AOPEP: variants seen among roughly 807,000 people sequenced by gnomAD.
The protein encoded by AOPEP is aminopeptidase O (putative).
Under a neutral mutation model 98.1 loss-of-function variants are expected in AOPEP, and 77 were observed. The observed-to-expected ratio is 0.78, with a 90% CI of 0.65 to 0.95. The LOEUF is 0.95. AOPEP is among the 40% of genes least tolerant of loss of function. AOPEP has a pLI of 0.00. For synonymous variants in AOPEP, 346 were observed against 365.3 expected, an observed-to-expected ratio of 0.95 and a Z score of 0.60; for missense variants, 1,024 against 1,024.7, an observed-to-expected ratio of 1.00 and a Z score of 0.01.
At chr9:95,114,588 C>T in the AOPEP span, 5 of 1,551,872 alleles carry the variant, frequency 3.2e-6, no homozygotes, top group African/African-American at 2.7e-5. Flanking sequence ...CTAGGGAAAC[C>T]ATGTGTGAAG....
At chr9:95,100,462 C>T in the AOPEP span, 1 of 231,608 alleles carries the variant, frequency 4.3e-6, no homozygotes, top group Non-Finnish European at 8.5e-6. Flanking sequence ...AAAACGGAGC[C>T]AAGACTCAGA....
chr9:94,897,480 A>G (rs1470935023), intron 5 of AOPEP, among the ~76,000 whole-genome samples: 1 of 152,208 alleles, frequency 6.6e-6, no homozygotes, highest in African/African-American at 2.4e-5. Context: ...AACATGAGTA[A>G]ATAAATGCAT....
chr9:94,983,858 CT>C (rs2060347352), intron 11 of AOPEP, among the ~76,000 whole-genome samples: 1 of 147,466 alleles, frequency 6.8e-6, no homozygotes, highest in Non-Finnish European at 1.5e-5. Flanking sequence ...CCCCTCCCCC[CT>C]CCCCCGGAAA....
chr9:94,845,453 G>A (rs1217150642), intron 5 of AOPEP, among the ~76,000 whole-genome samples: 2 of 152,206 alleles, frequency 1.3e-5, no homozygotes, highest in African/African-American at 2.4e-5. Context: ...TTTTAAGTAA[G>A]GAGTAACACG....
intron 1 of AOPEP, among the ~76,000 whole-genome samples, chr9:94,744,317 G>T (rs1184103701): frequency 1.3e-5 from 2 of 151,954 alleles, no homozygotes; most frequent in Non-Finnish European, 2.9e-5. Flanking sequence ...GCCTGAACCC[G>T]GGAGGCGGAG....
chr9:94,858,094 A>G (rs537310027), intron 5 of AOPEP, among the ~76,000 whole-genome samples: 10 of 152,124 alleles, frequency 6.6e-5, no homozygotes, highest in South Asian at 2.1e-4. Context: ...AAAAAAAAAA[A>G]AAACAAAAAC....
At position 94,871,220 on chromosome 9, in the gene AOPEP, C is replaced by T. The variant is rs78303633; in HGVS notation, c.1365-52766C>T. Among the ~76,000 whole-genome samples the T allele has an allele frequency of 7.2e-3, 1,101 of 152,306 alleles. 14 individuals are homozygous for T. Among genetic ancestry groups the T allele is most frequent in the African/African-American group, 0.026 (1,062 of 41,564 alleles). ...CCTTGATTCAACTTGCTATCTTTAG[C>T]TTTGCTCTCTTAACCACAGGCACAG... On this transcript the variant is annotated intron_variant, in intron 5 of 16. Transcript: ENST00000375315.
At chr9:95,118,171 A>T in the AOPEP span, among the ~76,000 whole-genome samples, 12 of 151,964 alleles carry the variant, frequency 7.9e-5, no homozygotes, top group South Asian at 2.1e-4. Context: ...GGCACATGCC[A>T]CCACACCTGG....
chr9:94,954,549 T>G (rs770516373), intron 7 of AOPEP, among the ~76,000 whole-genome samples: 9 of 152,222 alleles, frequency 5.9e-5, no homozygotes, highest in Non-Finnish European at 1.2e-4. Context: ...GGGCCACATG[T>G]GGCCCATGGA....
chr9:94,891,289 C>T (rs1035110998), intron 5 of AOPEP, among the ~76,000 whole-genome samples: 3 of 152,158 alleles, frequency 2.0e-5, no homozygotes, highest in African/African-American at 4.8e-5. Context: ...TTTTTCTATC[C>T]TGTCACTTTC....
intron 3 of AOPEP, among the ~76,000 whole-genome samples, chr9:94,773,461 C>T (rs181760379): frequency 2.0e-5 from 3 of 152,138 alleles, no homozygotes; most frequent in East Asian, 1.9e-4. Flanking sequence ...TGACTGAAGA[C>T]GTTCTGAACA....
intron 5 of AOPEP, among the ~76,000 whole-genome samples, chr9:94,918,660 A>G (rs1302529360): frequency 6.6e-6 from 1 of 152,156 alleles, no homozygotes; most frequent in Non-Finnish European, 1.5e-5. Context: ...CACGTGTAAA[A>G]TGAGATAATG....
chr9:94,830,033 A>G (rs947717049), intron 5 of AOPEP, among the ~76,000 whole-genome samples: 1 of 152,152 alleles, frequency 6.6e-6, no homozygotes, highest in Non-Finnish European at 1.5e-5. Context: ...TTATTTATTT[A>G]TGTATTTATT....
intron 7 of AOPEP, among the ~76,000 whole-genome samples, chr9:94,938,626 G>C (rs2056621853): frequency 6.6e-6 from 1 of 152,164 alleles, no homozygotes; most frequent in Non-Finnish European, 1.5e-5. Flanking sequence ...TTGCTGGAGA[G>C]GACAGCCACG....
chr9:94,889,336 A>C (rs1055758317), intron 5 of AOPEP, among the ~76,000 whole-genome samples: 2 of 151,918 alleles, frequency 1.3e-5, no homozygotes, highest in African/African-American at 2.4e-5. Context: ...TATGTATCAA[A>C]AGTTTGTTCC....
chr9:95,024,237 C>G (rs539656290), intron 13 of AOPEP, among the ~76,000 whole-genome samples: 4 of 152,144 alleles, frequency 2.6e-5, no homozygotes, highest in African/African-American at 4.8e-5. Flanking sequence ...AATGGAGAGT[C>G]AGGAATGAGA....
At chr9:95,047,802 T>C (rs544167205) in intron 13 of AOPEP, among the ~76,000 whole-genome samples, 1 of 152,376 alleles carries the variant, frequency 6.6e-6, no homozygotes, top group Non-Finnish European at 1.5e-5. Flanking sequence ...GCAAATGTTC[T>C]GGTTGTTTAG....
intron 5 of AOPEP, among the ~76,000 whole-genome samples, chr9:94,808,065 C>G (rs1428812867): frequency 6.9e-6 from 1 of 143,894 alleles, no homozygotes; most frequent in Non-Finnish European, 1.5e-5. Flanking sequence ...TTTTTTGAGA[C>G]GGAGTCTCAC....
chr9:94,802,519 G>GGT lies in AOPEP; in HGVS notation c.1364+1518_1364+1519dup, dbSNP rs557262264. On this transcript the variant is annotated intron_variant, in intron 5 of 16. Transcript: ENST00000375315. ...CTTTTCAAGTTTGCATGCCCAAGCAGGTAGGCTGTGTGTTTGCTGCTTTTT... is the reference window on the plus strand; with the variant it reads ...CTTTTCAAGTTTGCATGCCCAAGCAGGTGTAGGCTGTGTGTTTGCTGCTTTTT... 3.3e-5 allele frequency among the ~76,000 whole-genome samples: 5 copies of GGT among 152,192 alleles called. No homozygotes were observed. In the South Asian group the frequency reaches 1.0e-3, roughly 32 times the overall value.
Sources: allele counts gnomAD v4.1 joint callset (sites outside exome capture counted in the v4.1 genomes callset), GRCh38; gene constraint gnomAD v4.1.1; transcripts MANE v1.5; gene names NCBI Gene and HGNC (gene_info 2026-07-23, HGNC 2026-07-21).